A4GALT: variants seen among roughly 807,000 people sequenced by gnomAD.
A4GALT encodes lactosylceramide 4-alpha-galactosyltransferase.
For missense variants in A4GALT, 512 were observed against 486.0 expected (o/e 1.05, Z -0.50); for synonymous variants, 257 against 220.7 (o/e 1.16, Z -1.46).
In A4GALT at chr22:42,692,879, T is replaced by G. The variant is rs754846326; in HGVS notation, c.*11A>C. On this transcript the variant is annotated 3_prime_UTR_variant, in exon 3 of 3. Transcript: ENST00000642412. This position sits in a 1 kb window ranked among gnomAD's most constrained non-coding sequence, Gnocchi z 4.6. ...TCAGGAGCAGGTTGGGGAGGTGACC[T>G]GGCGGGCCCCTCACAAGTACATTTT... 14 of 1,599,220 alleles carry G rather than the reference T, an allele frequency of 8.8e-6. No homozygotes were observed. The highest frequency in any genetic ancestry group is 1.7e-5 in the Admixed American group (1 of 59,982).
intron 1 of A4GALT, among the ~76,000 whole-genome samples, chr22:42,716,929 C>G (rs920311583): frequency 2.0e-5 from 3 of 152,228 alleles, no homozygotes; most frequent in African/African-American, 7.2e-5. Context: ...CTGTTTCGCT[C>G]TCATGTGCTG....
rs955106100 is a variant in A4GALT at position 42,695,525 on chromosome 22, C to A, written c.-81G>T. ...CAGCCCATTGCAGAGAGGTGGGGAT[C>A]CTGGCAGCCCACAGGCCTCCGGGAG... On this transcript the variant is annotated 5_prime_UTR_variant, in exon 2 of 3. Coordinates refer to ENST00000642412, the MANE Select transcript of A4GALT (RefSeq NM_017436.7). The A allele has an allele frequency of 8.6e-5, 13 of 151,870 alleles. No individual in the cohort carries two copies. Among genetic ancestry groups the A allele is most frequent in the African/African-American group, 3.1e-4 (13 of 41,380 alleles). 9.4% of individuals were successfully genotyped at this position (151,870 alleles called of 1,614,324 possible).
chr22:42,713,710 G>A (rs1277615038), intron 1 of A4GALT, among the ~76,000 whole-genome samples: 1 of 151,966 alleles, frequency 6.6e-6, no homozygotes, highest in Non-Finnish European at 1.5e-5. Flanking sequence ...TACTTGTAAG[G>A]CTGAGGCAGG....
chr22:42,700,404 C>T (rs1169643443), intron 1 of A4GALT, among the ~76,000 whole-genome samples: 1 of 152,186 alleles, frequency 6.6e-6, no homozygotes, highest in Non-Finnish European at 1.5e-5. Context: ...AGGAGCAAAG[C>T]CACGGTCGGG....
At chr22:42,703,792 C>T (rs1001294914) in intron 1 of A4GALT, among the ~76,000 whole-genome samples, 2 of 152,166 alleles carry the variant, frequency 1.3e-5, no homozygotes, top group African/African-American at 4.8e-5. Context: ...ATAAGTAACA[C>T]CTTAGCACAG....
chr22:42,696,259 A>G (rs1051886430), intron 1 of A4GALT, among the ~76,000 whole-genome samples: 7 of 151,514 alleles, frequency 4.6e-5, no homozygotes, highest in Non-Finnish European at 5.9e-5. Flanking sequence ...TGTCTCTACT[A>G]AAAATACAAA....
Position 42,692,359 on chromosome 22 carries a change from G to GC in A4GALT, c.*530dup, listed in dbSNP as rs3833392. 57,106 of 283,528 alleles carry GC rather than the reference G, an allele frequency of 0.2. 7,256 individuals carry two copies. Among genetic ancestry groups the GC allele is most frequent in the South Asian group, 0.26 (7,518 of 28,594 alleles). The allele number at this position is 283,528 out of a possible 1,614,324, so 17.6% of individuals were successfully genotyped here. On this transcript the variant is annotated 3_prime_UTR_variant, in exon 3 of 3. Coordinates refer to ENST00000642412, the MANE Select transcript of A4GALT (RefSeq NM_017436.7). The surrounding 1 kb of genome is among the most constrained non-coding windows in gnomAD (Gnocchi z 4.6). ...CCCAGGCTGGCACTTCTGGGCCTCT[G>GC]CCCCACTCAGTCCCTGTTGACCTCC... is the stretch of plus-strand genomic sequence containing the variant.
At chr22:42,719,891 A>T (rs1922546450) in intron 1 of A4GALT, among the ~76,000 whole-genome samples, 2 of 152,128 alleles carry the variant, frequency 1.3e-5, no homozygotes, top group Non-Finnish European at 2.9e-5. Flanking sequence ...GAAGCCGCAG[A>T]GAGGGTGTCG....
chr22:42,719,341 C>A (rs1292297570), intron 1 of A4GALT, among the ~76,000 whole-genome samples: 1 of 152,144 alleles, frequency 6.6e-6, no homozygotes, highest in Non-Finnish European at 1.5e-5. Context: ...TGTGTGCCTG[C>A]AGTCTCAGCC....
intron 1 of A4GALT, among the ~76,000 whole-genome samples, chr22:42,706,173 G>C (rs1602010444): frequency 7.7e-6 from 1 of 130,016 alleles, no homozygotes; most frequent in Admixed American, 7.9e-5. Flanking sequence ...GGCTAACACG[G>C]TGAAACCCCG....
At chr22:42,697,087 G>T (rs961846892) in intron 1 of A4GALT, among the ~76,000 whole-genome samples, 1 of 152,038 alleles carries the variant, frequency 6.6e-6, no homozygotes, top group Admixed American at 6.6e-5. Context: ...GGTATGTTTT[G>T]TGTTTTGTTC....
At chr22:42,710,204 A>G (rs1921557530) in intron 1 of A4GALT, among the ~76,000 whole-genome samples, 1 of 152,222 alleles carries the variant, frequency 6.6e-6, no homozygotes, top group African/African-American at 2.4e-5. Flanking sequence ...AGTTAAAACT[A>G]TTGCTATTTT....
chr22:42,692,794 G>A lies in A4GALT; in HGVS notation c.*96C>T, dbSNP rs763520276. On this transcript the variant is annotated 3_prime_UTR_variant, in exon 3 of 3. Transcript: ENST00000642412. The surrounding 1 kb of genome is among the most constrained non-coding windows in gnomAD (Gnocchi z 4.6). ...GCCTGCCTAAGCCCGGTGGCAGCTC[G>A]GGCCTCCCTCTCCCGGGCCCTCAAT... is the stretch of plus-strand genomic sequence containing the variant. 73 of 1,466,620 alleles carry A rather than the reference G, an allele frequency of 5.0e-5. 2 individuals carry two copies. The Middle Eastern group carries it at 6.9e-4, about 14-fold the overall frequency. 90.9% of individuals were successfully genotyped at this position (1,466,620 alleles called of 1,614,324 possible). A position where few individuals can be genotyped will look rare whatever the true frequency, so the allele number is the denominator to read the frequency against.
chr22:42,717,773 C>T (rs569543494), intron 1 of A4GALT, among the ~76,000 whole-genome samples: 10 of 152,280 alleles, frequency 6.6e-5, no homozygotes, highest in African/African-American at 9.6e-5. Context: ...CACCCACGCA[C>T]GCACAAACAC....
chr22:42,698,724 T>C (rs551815903), intron 1 of A4GALT, among the ~76,000 whole-genome samples: 9 of 152,192 alleles, frequency 5.9e-5, no homozygotes, highest in Non-Finnish European at 1.2e-4. Flanking sequence ...GGCTGACACC[T>C]ACTGGGCTGC....
At chr22:42,709,048 A>AATATATAT (rs149743579) in intron 1 of A4GALT, among the ~76,000 whole-genome samples, 23 of 131,096 alleles carry the variant, frequency 1.8e-4, no homozygotes, top group African/African-American at 2.7e-4. Context: ...GGAAAATTTA[A>AATATATAT]ATATATATAT....
intron 1 of A4GALT, among the ~76,000 whole-genome samples, chr22:42,697,088 T>C (rs1385814879): frequency 6.6e-6 from 1 of 152,120 alleles, no homozygotes; most frequent in Non-Finnish European, 1.5e-5. Context: ...GTATGTTTTG[T>C]GTTTTGTTCA....
intron 1 of A4GALT, among the ~76,000 whole-genome samples, chr22:42,709,979 TA>T (rs1921537655): frequency 1.3e-5 from 2 of 152,164 alleles, no homozygotes; most frequent in African/African-American, 4.8e-5. Context: ...CAACACTTAG[TA>T]AATTATGAAT....
At chr22:42,710,998 G>A (rs6002922) in intron 1 of A4GALT, among the ~76,000 whole-genome samples, 37 of 150,722 alleles carry the variant, frequency 2.5e-4, no homozygotes, top group African/African-American at 7.5e-4. Flanking sequence ...GCACTCCAGC[G>A]TAGATGACAC....
Sources: gnomAD v4.1 joint callset for allele counts (sites outside exome capture counted in the v4.1 genomes callset) on GRCh38, gnomAD v4.1.1 for gene constraint, Gnocchi (gnomAD v3.1) non-coding constraint, MANE v1.5 for transcripts, NCBI Gene and HGNC (gene_info 2026-07-23, HGNC 2026-07-21) for gene names.